Variants in HSD17B2 observed in about 807,000 individuals in gnomAD.
The protein encoded by HSD17B2 is hydroxysteroid 17-beta dehydrogenase 2, also known as 17-beta-hydroxysteroid dehydrogenase type 2.
A neutral mutation model predicts 26.9 loss-of-function variants in HSD17B2; 32 were observed. The observed-to-expected ratio is 1.19, with a 90% CI of 0.90 to 1.60. The LOEUF is 1.60. Ranked by LOEUF, HSD17B2 falls within the 40% of genes most tolerant of loss-of-function variation. The probability of loss-of-function intolerance (pLI) is 0.00; values close to 1 mark genes in which losing one functional copy is unlikely to be tolerated. For missense variants in HSD17B2, 613 were observed against 468.6 expected (o/e 1.31, Z -2.85); for synonymous variants, 246 against 186.7 (o/e 1.32, Z -2.59).
chr16:82,055,967 G>T (rs1567582106), intron 1 of HSD17B2, among the ~76,000 whole-genome samples: 1 of 152,160 alleles, frequency 6.6e-6, no homozygotes, highest in African/African-American at 2.4e-5. Flanking sequence ...GGTACCAAGG[G>T]TTTGTCATCT....
chr16:82,074,313 C>T (rs1914764447), intron 3 of HSD17B2, among the ~76,000 whole-genome samples: 1 of 152,202 alleles, frequency 6.6e-6, no homozygotes. Flanking sequence ...AGTTTTGAAT[C>T]TTCATGTCCT....
chr16:82,042,832 G>T (rs1408629267), intron 1 of HSD17B2, among the ~76,000 whole-genome samples: 2 of 151,962 alleles, frequency 1.3e-5, no homozygotes, highest in Non-Finnish European at 2.9e-5. Context: ...TGTTGGCCAG[G>T]CTGGTCTCGA....
At position 82,058,771 on chromosome 16, in the gene HSD17B2, C is replaced by G. The variant is rs560285460; in HGVS notation, c.266-9399C>G. ...CGAGAAACCCTTCCTAAGTTATGTT[C>G]CTATTAAAAAATGAAGGTCATTTAA... is the stretch of plus-strand genomic sequence containing the variant. On this transcript the variant is annotated intron_variant, in intron 1 of 4. Coordinates refer to ENST00000199936, the MANE Select transcript of HSD17B2 (RefSeq NM_002153.3). Among the ~76,000 whole-genome samples the G allele has an allele frequency of 5.1e-4, 78 of 152,138 alleles. 1 individual carries two copies. The highest frequency in any genetic ancestry group is 1.7e-3 in the African/African-American group (72 of 41,496).
intron 3 of HSD17B2, among the ~76,000 whole-genome samples, chr16:82,072,780 G>A (rs1243544952): frequency 6.6e-6 from 1 of 152,224 alleles, no homozygotes; most frequent in African/African-American, 2.4e-5. Context: ...ACAAGGCCAG[G>A]TGCGGTGGCT....
rs769281710 is a variant in HSD17B2, at chr16:82,050,056, G to A, written c.265+14367G>A. On this transcript the variant is annotated intron_variant, in intron 1 of 4. Transcript: ENST00000199936. Reference sequence around the variant, plus strand: ...ATTGGTGTTTCTTTAGAGCGCCTCCGTCCCAGGTGAAGCTAATGGATAGCC... The same window carrying A: ...ATTGGTGTTTCTTTAGAGCGCCTCCATCCCAGGTGAAGCTAATGGATAGCC... Among the ~76,000 whole-genome samples the A allele has an allele frequency of 3.9e-5, 6 of 152,332 alleles. No individual in the cohort carries two copies. The South Asian group carries it at 6.2e-4, about 16-fold the overall frequency.
chr16:82,091,527 TAGTA>T (rs1399804823), intron 4 of HSD17B2: 1 of 170,714 alleles, frequency 5.9e-6, no homozygotes, highest in East Asian at 1.7e-4. Flanking sequence ...AGTTCTTTTT[TAGTA>T]AGTATTTCAG....
At chr16:82,071,267 G>T in intron 3 of HSD17B2, 140 bp downstream of exon 3, 1 of 783,902 alleles carries the variant, frequency 1.3e-6, no homozygotes, top group South Asian at 1.4e-5. Context: ...ATACCCTGTT[G>T]GTCTTATCAC....
intron 3 of HSD17B2, among the ~76,000 whole-genome samples, chr16:82,077,674 C>A (rs67777781): frequency 0.31 from 46,312 of 151,430 alleles, 7,697 homozygotes; most frequent in Middle Eastern, 0.41. Context: ...GAGGCTGCAG[C>A]AGACTGTGAT....
intron 1 of HSD17B2, among the ~76,000 whole-genome samples, chr16:82,038,904 G>C (rs1397129276): frequency 6.6e-6 from 1 of 152,146 alleles, no homozygotes; most frequent in Non-Finnish European, 1.5e-5. Flanking sequence ...CTAGAGAGCT[G>C]TAGTCTTTAT....
chr16:82,064,024 T>A (rs1597129144), intron 1 of HSD17B2, among the ~76,000 whole-genome samples: 1 of 152,296 alleles, frequency 6.6e-6, no homozygotes, highest in East Asian at 1.9e-4. Flanking sequence ...TGCAGTGAGC[T>A]GTTTCCCAGA....
intron 1 of HSD17B2, among the ~76,000 whole-genome samples, chr16:82,064,253 C>T (rs1025822898): frequency 4.6e-5 from 7 of 152,184 alleles, no homozygotes; most frequent in African/African-American, 1.7e-4. Context: ...AATGTCTCCT[C>T]CTTGCTCGCA....
At chr16:82,090,158 A>C in intron 3 of HSD17B2, 1 of 910,446 alleles carries the variant, frequency 1.1e-6, no homozygotes, top group Non-Finnish European at 1.3e-6. Context: ...AATCTGTTCG[A>C]TTACAGGTGC....
At chr16:82,085,200 A>G (rs1904492616) in intron 3 of HSD17B2, among the ~76,000 whole-genome samples, 1 of 152,158 alleles carries the variant, frequency 6.6e-6, no homozygotes, top group Non-Finnish European at 1.5e-5. Context: ...GCTGCCTTAA[A>G]AGAATCATTT....
chr16:82,056,389 A>C (rs1914268951), intron 1 of HSD17B2: 2 of 152,238 alleles, frequency 1.3e-5, no homozygotes, highest in South Asian at 4.1e-4. Context: ...TGTGAAATAC[A>C]TGGTTGGAAC....
chr16:82,091,212 G>C, intron 4 of HSD17B2, 173 bp downstream of exon 4: 1 of 727,998 alleles, frequency 1.4e-6, no homozygotes, highest in Non-Finnish European at 2.5e-6. Flanking sequence ...GACAGTAGGG[G>C]AAAGAGCTAA....
At chr16:82,056,756 A>G (rs2143951374) in intron 1 of HSD17B2, among the ~76,000 whole-genome samples, 1 of 152,374 alleles carries the variant, frequency 6.6e-6, no homozygotes, top group South Asian at 2.1e-4. Flanking sequence ...AGTTGACTAT[A>G]TTCAGAGAGA....
chr16:82,087,264 G>C (rs572620723), intron 3 of HSD17B2, among the ~76,000 whole-genome samples: 253 of 152,234 alleles, frequency 1.7e-3, no homozygotes, highest in African/African-American at 5.8e-3. Flanking sequence ...TAAAAAATAT[G>C]TTAAAAAAGT....
intron 1 of HSD17B2, among the ~76,000 whole-genome samples, chr16:82,054,215 A>AAAAAAAAAG: frequency 6.6e-6 from 1 of 151,970 alleles, no homozygotes; most frequent in Admixed American, 6.5e-5. Flanking sequence ...ATCGAAAAAA[A>AAAAAAAAAG]AAAAAAAAGA....
intron 2 of HSD17B2, among the ~76,000 whole-genome samples, chr16:82,069,731 G>A (rs1408219298): frequency 6.6e-6 from 1 of 152,128 alleles, no homozygotes; most frequent in Non-Finnish European, 1.5e-5. Flanking sequence ...CCTATGCTGG[G>A]GTCCAGGATG....
Sources: allele counts gnomAD v4.1 joint callset (sites outside exome capture counted in the v4.1 genomes callset), GRCh38; gene constraint gnomAD v4.1.1; transcripts MANE v1.5; gene names NCBI Gene and HGNC (gene_info 2026-07-23, HGNC 2026-07-21).